The following MTSS1 variants were observed in gnomAD, a reference collection of about 807,000 sequenced individuals.
The protein encoded by MTSS1 is protein MTSS 1.
MTSS1 carries 18 observed loss-of-function variants against 79.0 expected under a neutral mutation model. The observed-to-expected ratio is 0.23, with a 90% confidence interval of 0.16 to 0.34. MTSS1 has a LOEUF of 0.34. MTSS1 is among the 10% of genes least tolerant of loss of function. The pLI is 1.00. For missense variants in MTSS1, 815 were observed against 986.2 expected (o/e 0.83, Z 2.33); for synonymous variants, 341 against 368.6 (o/e 0.93, Z 0.86).
At chr8:124,629,973 C>G (rs1004097664) in intron 3 of MTSS1, among the ~76,000 whole-genome samples, 1 of 152,214 alleles carries the variant, frequency 6.6e-6, no homozygotes, top group Non-Finnish European at 1.5e-5. Context: ...TCGCTGAGGA[C>G]AGATGTGGCA....
rs759284583 is a variant in MTSS1 at position 124,704,163 on chromosome 8, A to G, written c.101T>C (p.Ile34Thr). The G allele has an allele frequency of 1.9e-6, 3 of 1,613,896 alleles. No homozygotes were observed. The Admixed American group carries it at 5.0e-5, about 27-fold the overall frequency. The change falls in exon 2 of 14, where the codon ATA (isoleucine) becomes ACA (threonine). Residue 34 changes from isoleucine (I) to threonine (T), a missense_variant. This residue lies in a region of MTSS1 where 225 missense variants were observed against 365.4 expected (regional missense o/e 0.62). Transcript: ENST00000518547. ...KGSYPVWEDF[I>T]NKAGKLQSQL... ...GGACTGCAGCTTTCCTGCTTTGTTTATGAAATCTTCCCAAACTGGATAGCT... is the reference window on the plus strand; with the variant it reads ...GGACTGCAGCTTTCCTGCTTTGTTTGTGAAATCTTCCCAAACTGGATAGCT...
At chr8:124,723,771 C>T (rs773617242) in intron 1 of MTSS1, among the ~76,000 whole-genome samples, 1 of 152,196 alleles carries the variant, frequency 6.6e-6, no homozygotes, top group Non-Finnish European at 1.5e-5. Flanking sequence ...CAACATGGGG[C>T]CCATGTGTCC....
At chr8:124,695,713 A>C (rs141488264) in intron 3 of MTSS1, among the ~76,000 whole-genome samples, 33 of 152,352 alleles carry the variant, frequency 2.2e-4, no homozygotes, top group African/African-American at 6.7e-4. Context: ...GCTAGAAAGA[A>C]TAAGGTGGAC....
chr8:124,655,588 A>G (rs1437824245), intron 3 of MTSS1, among the ~76,000 whole-genome samples: 1 of 152,244 alleles, frequency 6.6e-6, no homozygotes, highest in Non-Finnish European at 1.5e-5. Flanking sequence ...GATAAAGATG[A>G]AAGCTTTCTG....
intron 5 of MTSS1, 136 bp from the exon 6 acceptor site, chr8:124,585,297 A>C (rs1444388264): frequency 4.5e-6 from 3 of 669,780 alleles, no homozygotes; most frequent in Non-Finnish European, 7.8e-6. Flanking sequence ...AGAATACAAT[A>C]TGATAATCTC....
intron 1 of MTSS1, among the ~76,000 whole-genome samples, chr8:124,725,415 C>A (rs1465177167): frequency 6.6e-6 from 1 of 152,112 alleles, no homozygotes; most frequent in African/African-American, 2.4e-5. Flanking sequence ...TGCTGCTGTA[C>A]ATTTTGAAGA....
intron 1 of MTSS1, among the ~76,000 whole-genome samples, chr8:124,726,043 A>T (rs1211696745): frequency 1.3e-5 from 2 of 152,174 alleles, no homozygotes; most frequent in African/African-American, 4.8e-5. Context: ...AACCTACTAA[A>T]CTCAAACCGA....
At chr8:124,554,130 C>CA (rs1423033745) in intron 13 of MTSS1, among the ~76,000 whole-genome samples, 3 of 152,180 alleles carry the variant, frequency 2.0e-5, no homozygotes, top group African/African-American at 7.2e-5. Context: ...AAGGGCTAGA[C>CA]AAAGAACAAA....
chr8:124,668,954 T>C (rs1407577801), intron 3 of MTSS1, among the ~76,000 whole-genome samples: 1 of 152,218 alleles, frequency 6.6e-6, no homozygotes, highest in Non-Finnish European at 1.5e-5. Context: ...CCCAAAGCTA[T>C]TGAATGAATA....
At chr8:124,675,808 T>C (rs564063244) in intron 3 of MTSS1, among the ~76,000 whole-genome samples, 1 of 152,390 alleles carries the variant, frequency 6.6e-6, no homozygotes, top group South Asian at 2.1e-4. Flanking sequence ...ATCCAAGTTG[T>C]AGCATCTGCA....
rs147684046 is a variant in MTSS1 at position 124,681,128 on chromosome 8, A to C, written c.208+18398T>G. On this transcript the variant is annotated intron_variant, in intron 3 of 13. Transcript: ENST00000518547. ...AATTACAGAGCTCAGCTTCCTCCTAAGTGAAAAGCTGAACTTTTAAAACCT... is the reference window on the plus strand; with the variant it reads ...AATTACAGAGCTCAGCTTCCTCCTACGTGAAAAGCTGAACTTTTAAAACCT... 7.7e-3 allele frequency among the ~76,000 whole-genome samples: 1,171 copies of C among 152,156 alleles called. 15 individuals are homozygous for C. The highest frequency in any genetic ancestry group is 0.026 in the African/African-American group (1,066 of 41,472).
At chr8:124,627,690 G>T (rs1046243749) in intron 3 of MTSS1, among the ~76,000 whole-genome samples, 1 of 152,220 alleles carries the variant, frequency 6.6e-6, no homozygotes, top group Non-Finnish European at 1.5e-5. Context: ...GTCCCCCAGG[G>T]ATCACTGAAA....
intron 1 of MTSS1, among the ~76,000 whole-genome samples, chr8:124,721,179 T>G (rs1832860753): frequency 6.6e-6 from 1 of 152,128 alleles, no homozygotes; most frequent in African/African-American, 2.4e-5. Context: ...CTATTTAAAT[T>G]TAAACAAATG....
chr8:124,697,269 C>T (rs1043183320), intron 3 of MTSS1, among the ~76,000 whole-genome samples: 3 of 132,722 alleles, frequency 2.3e-5, no homozygotes. Flanking sequence ...AAAAAAAAGA[C>T]ATATTCTGGG....
chr8:124,557,853 T>G lies in MTSS1; in HGVS notation c.1058A>C (p.Tyr353Ser). The stretch of plus-strand genomic sequence containing the variant: ...CACGTGGGACTCACTTGATAAACTA[T>G]AGTGAGAAAACCCGTTAGACAACTG... ...PNQLSNGFSH[Y>S]SLSSESHVGP... The change falls in exon 11 of 14, where the codon TAT becomes TCT. Residue 353 changes from tyrosine to serine, a missense_variant. By Grantham distance (144) the Tyr-to-Ser change is moderately radical. Transcript: ENST00000518547. 1 of 1,574,528 alleles carries G rather than the reference T, an allele frequency of 6.4e-7. No homozygotes were observed. Among genetic ancestry groups the G allele is most frequent in the Non-Finnish European group, 8.6e-7 (1 of 1,162,038 alleles).
intron 1 of MTSS1, among the ~76,000 whole-genome samples, chr8:124,717,578 C>G (rs1832268342): frequency 1.3e-5 from 2 of 150,310 alleles, no homozygotes; most frequent in Non-Finnish European, 3.0e-5. Flanking sequence ...GCCTGGGGGA[C>G]AGATACTCGG....
intron 6 of MTSS1, among the ~76,000 whole-genome samples, chr8:124,576,683 C>T (rs1016411304): frequency 2.6e-4 from 40 of 152,130 alleles, no homozygotes; most frequent in African/African-American, 9.4e-4. Context: ...TGGCACCAGG[C>T]GTGAATCAAT....
chr8:124,727,804 C>A lies in MTSS1; in HGVS notation c.72+80G>T. On this transcript the variant is annotated intron_variant, in intron 1 of 13. Coordinates refer to ENST00000518547, the MANE Select transcript of MTSS1 (RefSeq NM_014751.6). This position sits in a 1 kb window ranked among gnomAD's most constrained non-coding sequence, Gnocchi z 4.7. ...ACACTGCAGGGAAGGGCCGGGTGCC[C>A]GGCCCGGGGTGGAGGCGAAGCGCGG... 7.7e-7 allele frequency: 1 copy of A among 1,293,282 alleles called. No individual in the cohort carries two copies. Among genetic ancestry groups the A allele is most frequent in the Non-Finnish European group, 1.0e-6 (1 of 981,900 alleles). The allele number at this position is 1,293,282 out of a possible 1,614,324, so 80.1% of individuals were successfully genotyped here.
chr8:124,636,272 C>T (rs1431685259), intron 3 of MTSS1, among the ~76,000 whole-genome samples: 1 of 152,182 alleles, frequency 6.6e-6, no homozygotes, highest in Non-Finnish European at 1.5e-5. Context: ...TCGGACTACA[C>T]TTGTGTGCCA....
Sources: gnomAD v4.1 joint callset for allele counts (sites outside exome capture counted in the v4.1 genomes callset) on GRCh38, gnomAD v4.1.1 for gene constraint, gnomAD v4.1.1 regional missense constraint, Gnocchi (gnomAD v3.1) non-coding constraint, MANE v1.5 for transcripts, NCBI Gene and HGNC (gene_info 2026-07-23, HGNC 2026-07-21) for gene names.